DLC1: variants seen among roughly 807,000 people sequenced by gnomAD.
The protein encoded by DLC1 is DLC1 Rho GTPase activating protein.
A neutral mutation model predicts 140.3 loss-of-function variants in DLC1; 54 were observed. The ratio of observed to expected loss-of-function variants is 0.38; its 90% confidence interval spans 0.31 to 0.48. DLC1 has a LOEUF of 0.48. Among genes scored for constraint, DLC1 ranks in the 20% least tolerant of loss-of-function variants. The pLI is 0.96. For synonymous variants in DLC1, 986 were observed against 728.1 expected, an observed-to-expected ratio of 1.35 and a Z score of -5.70; for missense variants, 2,536 against 1,907.0, an observed-to-expected ratio of 1.33 and a Z score of -6.14.
chr8:13,519,740 G>T (rs1275525974), upstream of DLC1, among the ~76,000 whole-genome samples: 1 of 151,996 alleles, frequency 6.6e-6, no homozygotes, highest in Non-Finnish European at 1.5e-5. Context: ...TACAGTCCAA[G>T]AATAGATATG....
At chr8:13,326,495 G>A (rs1323018454) in intron 4 of DLC1, among the ~76,000 whole-genome samples, 1 of 152,148 alleles carries the variant, frequency 6.6e-6, no homozygotes, top group Admixed American at 6.5e-5. Context: ...CCCAAAAGCT[G>A]CCTACTACTT....
chr8:13,087,949 G>C (rs1817703030), intron 16 of DLC1, among the ~76,000 whole-genome samples: 3 of 152,220 alleles, frequency 2.0e-5, no homozygotes, highest in Non-Finnish European at 4.4e-5. Flanking sequence ...CATATTCATT[G>C]GAAGGGGCCT....
intron 2 of DLC1, among the ~76,000 whole-genome samples, chr8:13,484,990 C>A (rs1800901829): frequency 6.6e-6 from 1 of 152,048 alleles, no homozygotes; most frequent in Non-Finnish European, 1.5e-5. Flanking sequence ...TGAAATGGTA[C>A]CCATTCCTTG....
chr8:13,457,167 C>T (rs894322813), intron 2 of DLC1, among the ~76,000 whole-genome samples: 2 of 152,064 alleles, frequency 1.3e-5, no homozygotes, highest in African/African-American at 4.8e-5. Flanking sequence ...TAAATCTAGC[C>T]CTATACCGTG....
intron 1 of DLC1, among the ~76,000 whole-genome samples, chr8:13,528,203 C>G (rs1802980778): frequency 6.6e-6 from 1 of 152,090 alleles, no homozygotes; most frequent in African/African-American, 2.4e-5. Flanking sequence ...CAGTATTTCA[C>G]TGAACATATT....
chr8:13,554,068 G>A (rs1218539298), intron 1 of DLC1, among the ~76,000 whole-genome samples: 1 of 151,762 alleles, frequency 6.6e-6, no homozygotes, highest in Non-Finnish European at 1.5e-5. Flanking sequence ...CTTTTTGTTT[G>A]CTTGTTTTGT....
intron 2 of DLC1, among the ~76,000 whole-genome samples, chr8:13,447,593 T>C (rs1471907893): frequency 1.3e-5 from 2 of 152,350 alleles, no homozygotes; most frequent in Admixed American, 6.5e-5. Context: ...GTTCATTAGA[T>C]ATTAGGTCTT....
chr8:13,272,636 C>T (rs532956904), intron 5 of DLC1, among the ~76,000 whole-genome samples: 4 of 152,030 alleles, frequency 2.6e-5, no homozygotes, highest in South Asian at 4.1e-4. Context: ...CCGAGGCAGT[C>T]GGATCACGAG....
At chr8:13,188,320 C>G (rs1167840312) in intron 5 of DLC1, among the ~76,000 whole-genome samples, 1 of 143,806 alleles carries the variant, frequency 7.0e-6, no homozygotes, top group East Asian at 2.1e-4. Context: ...TTTAAGATGT[C>G]TACTTTGGTA....
intron 3 of DLC1, among the ~76,000 whole-genome samples, chr8:13,397,498 G>A (rs1586274107): frequency 6.6e-6 from 1 of 152,104 alleles, no homozygotes; most frequent in African/African-American, 2.4e-5. Context: ...ACAAGAGAAG[G>A]AGTGAGGAAA....
intron 5 of DLC1, chr8:13,133,213 G>T (rs1418706505): frequency 1.1e-5 from 16 of 1,420,926 alleles, no homozygotes; most frequent in African/African-American, 1.5e-5. Context: ...CCGTGAGCCG[G>T]CGCTCCTGAT....
chr8:13,585,391 C>G (rs968102451), intron 1 of DLC1, among the ~76,000 whole-genome samples: 11 of 151,918 alleles, frequency 7.2e-5, no homozygotes, highest in African/African-American at 2.7e-4. Context: ...TAGCAAGACT[C>G]TCATCTCTAT....
At chr8:13,241,827 A>G (rs573416723) in intron 5 of DLC1, among the ~76,000 whole-genome samples, 2 of 152,166 alleles carry the variant, frequency 1.3e-5, no homozygotes, top group South Asian at 4.2e-4. Context: ...AGTTTGGTAT[A>G]TCCAGACCCC....
intron 5 of DLC1, among the ~76,000 whole-genome samples, chr8:13,236,396 T>C (rs960686028): frequency 6.6e-6 from 1 of 152,088 alleles, no homozygotes; most frequent in Non-Finnish European, 1.5e-5. Context: ...GATTATGAGA[T>C]TCTATCTGTT....
chr8:13,162,670 C>G (rs1437515646), intron 5 of DLC1, among the ~76,000 whole-genome samples: 1 of 152,072 alleles, frequency 6.6e-6, no homozygotes, highest in Non-Finnish European at 1.5e-5. Flanking sequence ...ACAGTGGGTA[C>G]AGCTCACGAA....
intron 2 of DLC1, among the ~76,000 whole-genome samples, chr8:13,450,353 G>A (rs1048206970): frequency 6.7e-6 from 1 of 149,284 alleles, no homozygotes; most frequent in African/African-American, 2.5e-5. Flanking sequence ...TACTCAGGAA[G>A]CTGAGGCACG....
At chr8:13,458,041 G>C (rs1052109526) in intron 2 of DLC1, among the ~76,000 whole-genome samples, 31 of 152,136 alleles carry the variant, frequency 2.0e-4, no homozygotes, top group African/African-American at 5.3e-4. Context: ...TTGAAAAACT[G>C]AGAGTATGTG....
chr8:13,440,493 T>A (rs190147014), intron 2 of DLC1, among the ~76,000 whole-genome samples: 1 of 152,350 alleles, frequency 6.6e-6, no homozygotes, highest in East Asian at 1.9e-4. Context: ...ACATTGCTTT[T>A]ATGTATTTAA....
intron 2 of DLC1, among the ~76,000 whole-genome samples, chr8:13,486,780 A>G (rs911982298): frequency 6.6e-6 from 1 of 152,246 alleles, no homozygotes; most frequent in Non-Finnish European, 1.5e-5. Context: ...AACATAGGAC[A>G]GGATATTCAA....
Sources: allele counts gnomAD v4.1 joint callset (sites outside exome capture counted in the v4.1 genomes callset), GRCh38; gene constraint gnomAD v4.1.1; transcripts MANE v1.5; gene names NCBI Gene and HGNC (gene_info 2026-07-23, HGNC 2026-07-21).